The following TNFRSF19 variants were observed in gnomAD, a reference collection of about 807,000 sequenced individuals.
TNFRSF19 encodes the protein TNF receptor superfamily member 19.
TNFRSF19 carries 27 observed loss-of-function variants against 46.4 expected under a neutral mutation model. The observed-to-expected ratio is 0.58, with a 90% CI of 0.43 to 0.80. The LOEUF is 0.80. Ranked by LOEUF, TNFRSF19 falls within the 30% of genes least tolerant of loss-of-function variation. The probability of loss-of-function intolerance (pLI) is 0.00; values close to 1 mark genes in which losing one functional copy is unlikely to be tolerated. For missense variants in TNFRSF19, 511 were observed against 530.8 expected (o/e 0.96, Z 0.37); for synonymous variants, 204 against 205.0 (o/e 1.00, Z 0.04).
At chr13:23,626,846 G>A in intron 5 of TNFRSF19, 54 bp downstream of exon 5, 1 of 1,574,886 alleles carries the variant, frequency 6.3e-7, no homozygotes, top group Non-Finnish European at 8.7e-7. Context: ...TTTTGAAAAA[G>A]TTTAAATTTG....
chr13:23,573,735 T>G (rs1287605223), intron 1 of TNFRSF19, among the ~76,000 whole-genome samples: 1 of 151,732 alleles, frequency 6.6e-6, no homozygotes, highest in Non-Finnish European at 1.5e-5. Flanking sequence ...CTTGAGCATG[T>G]TTTCATTATC....
At chr13:23,612,198 T>C (rs956337364) in intron 3 of TNFRSF19, among the ~76,000 whole-genome samples, 3 of 152,214 alleles carry the variant, frequency 2.0e-5, no homozygotes. Flanking sequence ...TGCTAACCAA[T>C]GTCACCATGG....
chr13:23,600,494 C>T (rs868099913), intron 3 of TNFRSF19, among the ~76,000 whole-genome samples: 18 of 152,126 alleles, frequency 1.2e-4, no homozygotes, highest in Middle Eastern at 3.4e-3. Context: ...GAACTCAAAC[C>T]GATTTTCATA....
At chr13:23,594,180 T>C (rs748782486) in intron 3 of TNFRSF19, 16 of 445,232 alleles carry the variant, frequency 3.6e-5, no homozygotes, top group South Asian at 2.6e-4. Flanking sequence ...GGCAGCTGTT[T>C]GGGCAGACAC....
At chr13:23,639,067 A>T (rs1003856410) in intron 5 of TNFRSF19, among the ~76,000 whole-genome samples, 2 of 152,190 alleles carry the variant, frequency 1.3e-5, no homozygotes, top group Admixed American at 6.5e-5. Context: ...TTCACATTTT[A>T]TACTAATAAA....
rs3751362 is a variant in TNFRSF19, at chr13:23,669,065, G to A, written c.1213G>A (p.Val405Ile). ...RSQLDQESGA[V>I]IHPATQTSLQ... is the part of the protein sequence containing the mutation. The stretch of plus-strand genomic sequence containing the variant: ...CCAGCTAGATCAGGAGAGTGGTGCT[G>A]TCATCCACCCAGCCACTCAGACGTC... The change falls in exon 9 of 10, where the codon GTC becomes ATC. Residue 405 changes from valine to isoleucine, a missense_variant. By Grantham distance (29) the Val-to-Ile change is conservative. Coordinates refer to ENST00000248484, the MANE Select transcript of TNFRSF19 (RefSeq NM_148957.4). 0.099 allele frequency: 159,700 copies of A among 1,613,886 alleles called. 9,530 individuals carry two copies. Among genetic ancestry groups the A allele is most frequent in the East Asian group, 0.22 (9,993 of 44,860 alleles).
intron 2 of TNFRSF19, 110 bp from the exon 3 acceptor site, chr13:23,593,235 T>G: frequency 1.7e-6 from 1 of 601,756 alleles, no homozygotes. Flanking sequence ...CTTGAACTGA[T>G]ATTTACATTC....
rs1410610880 is a variant in TNFRSF19 at position 23,663,536 on chromosome 13, G to A, written c.736+3046G>A. Among the ~76,000 whole-genome samples the A allele has an allele frequency of 2.0e-5, 3 of 152,156 alleles. No homozygotes were observed. The South Asian group carries it at 6.2e-4, about 32-fold the overall frequency. On this transcript the variant is annotated intron_variant, in intron 7 of 9. Coordinates refer to ENST00000248484, the MANE Select transcript of TNFRSF19 (RefSeq NM_148957.4). ...CAGGATGATGCTGGCCTCATAGAAT[G>A]AGTTAGGAAGGAGTCCCTCATTTTT...
intron 1 of TNFRSF19, among the ~76,000 whole-genome samples, chr13:23,583,980 A>T (rs1878644947): frequency 6.6e-6 from 1 of 152,192 alleles, no homozygotes; most frequent in Admixed American, 6.5e-5. Context: ...TAATGCAAAG[A>T]TGATAAAATG....
In TNFRSF19 at chr13:23,591,732, T is replaced by C. The variant is rs200335532; in HGVS notation, c.69+1480T>C. 9.2e-3 allele frequency among the ~76,000 whole-genome samples: 1,358 copies of C among 147,786 alleles called. 28 individuals are homozygous for C. The highest frequency in any genetic ancestry group is 0.032 in the African/African-American group (1,301 of 40,790). On this transcript the variant is annotated intron_variant, in intron 2 of 9. Coordinates refer to ENST00000248484, the MANE Select transcript of TNFRSF19 (RefSeq NM_148957.4). ...AAAAATTTTCTTTCTTTCTTTCTTT[T>C]TTTTTTTTTTTTGAGACGAAGTTTC...
At chr13:23,575,397 G>A (rs1877888979) in intron 1 of TNFRSF19, among the ~76,000 whole-genome samples, 1 of 152,214 alleles carries the variant, frequency 6.6e-6, no homozygotes, top group African/African-American at 2.4e-5. Context: ...TGAAGATTAT[G>A]TTAAGATACA....
At chr13:23,591,144 G>A (rs1448350238) in intron 2 of TNFRSF19, among the ~76,000 whole-genome samples, 2 of 152,136 alleles carry the variant, frequency 1.3e-5, no homozygotes, top group African/African-American at 2.4e-5. Flanking sequence ...AAGACAGTAT[G>A]CAAAGTTTTC....
chr13:23,627,415 G>A (rs1464473964), intron 5 of TNFRSF19, among the ~76,000 whole-genome samples: 1 of 152,144 alleles, frequency 6.6e-6, no homozygotes, highest in South Asian at 2.1e-4. Flanking sequence ...TATGTATTTT[G>A]TGTAGATATA....
intron 5 of TNFRSF19, among the ~76,000 whole-genome samples, chr13:23,647,758 T>A (rs1304272118): frequency 6.6e-6 from 1 of 152,216 alleles, no homozygotes; most frequent in African/African-American, 2.4e-5. Context: ...AACTTTTAAA[T>A]ATGGTGTGAA....
At chr13:23,668,640 T>C (rs1224083181) in intron 8 of TNFRSF19, 52 bp from the exon 9 acceptor site, 3 of 1,545,650 alleles carry the variant, frequency 1.9e-6, no homozygotes, top group Non-Finnish European at 1.7e-6. Context: ...TTCTTTGTAG[T>C]AGTGTTTTTC....
chr13:23,671,371 A>T (rs1202430069), intron 9 of TNFRSF19, among the ~76,000 whole-genome samples: 1 of 152,208 alleles, frequency 6.6e-6, no homozygotes, highest in Non-Finnish European at 1.5e-5. Context: ...TAATTGTTAG[A>T]TTAATTTAGG....
chr13:23,640,766 T>G (rs1292235286), intron 5 of TNFRSF19, among the ~76,000 whole-genome samples: 1 of 152,198 alleles, frequency 6.6e-6, no homozygotes, highest in Non-Finnish European at 1.5e-5. Flanking sequence ...CTGCCATAAT[T>G]TTGCAGTAAG....
At chr13:23,589,652 G>A (rs962375818) in intron 1 of TNFRSF19, among the ~76,000 whole-genome samples, 2 of 152,194 alleles carry the variant, frequency 1.3e-5, no homozygotes, top group Non-Finnish European at 2.9e-5. Context: ...TTTCCCCATC[G>A]CTAAAATGGG....
At chr13:23,595,659 G>T (rs762536147) in intron 3 of TNFRSF19, among the ~76,000 whole-genome samples, 1 of 152,172 alleles carries the variant, frequency 6.6e-6, no homozygotes, top group Non-Finnish European at 1.5e-5. Context: ...GTGACGGGGA[G>T]AATGGAACCA....
Sources: allele counts gnomAD v4.1 joint callset (sites outside exome capture counted in the v4.1 genomes callset), GRCh38; gene constraint gnomAD v4.1.1; transcripts MANE v1.5; gene names NCBI Gene and HGNC (gene_info 2026-07-23, HGNC 2026-07-21).